Variants in SGMS1 observed in about 807,000 individuals in gnomAD.
The protein encoded by SGMS1 is phosphatidylcholine:ceramide cholinephosphotransferase 1.
Under a neutral mutation model 46.2 loss-of-function variants are expected in SGMS1, and 13 were observed. The observed-to-expected ratio is 0.28, with a 90% CI of 0.18 to 0.45. The LOEUF (loss-of-function observed/expected upper bound fraction) is 0.45, where lower values mean the gene tolerates loss of function less well. Among genes scored for constraint, SGMS1 ranks in the 20% least tolerant of loss-of-function variants. The probability of loss-of-function intolerance (pLI) is 1.00; values close to 1 mark genes in which losing one functional copy is unlikely to be tolerated. For missense variants in SGMS1, 324 were observed against 519.9 expected, an observed-to-expected ratio of 0.62 and a Z score of 3.66; for synonymous variants, 203 against 187.8, an observed-to-expected ratio of 1.08 and a Z score of -0.66.
chr10:50,624,871 CG>C, upstream of SGMS1: 2 of 998,486 alleles, frequency 2.0e-6, no homozygotes, highest in Non-Finnish European at 2.4e-6. Context: ...CCCGCGGGGT[CG>C]GGGACTTGGC....
intron 8 of SGMS1, among the ~76,000 whole-genome samples, chr10:50,321,617 A>G (rs1847446143): frequency 1.3e-5 from 2 of 152,266 alleles, no homozygotes; most frequent in Admixed American, 1.3e-4. Context: ...GACCAGCAGA[A>G]AATTATCCAA....
At chr10:50,625,133 G>T (rs2131957074), upstream of SGMS1, 1 of 911,110 alleles carries the variant, frequency 1.1e-6, no homozygotes, top group Non-Finnish European at 1.3e-6. Flanking sequence ...TTGCCCAGAG[G>T]ACAGGTTCTC....
At chr10:50,517,510 G>A (rs1837816263) in intron 3 of SGMS1, among the ~76,000 whole-genome samples, 1 of 151,986 alleles carries the variant, frequency 6.6e-6, no homozygotes, top group African/African-American at 2.4e-5. Context: ...AAACAAGAAA[G>A]AAAATACTGA....
chr10:50,425,119 G>T (rs974908797), intron 6 of SGMS1, among the ~76,000 whole-genome samples: 1 of 152,194 alleles, frequency 6.6e-6, no homozygotes, highest in African/African-American at 2.4e-5. Context: ...AGGTTGCAGA[G>T]AAAAGAGTAT....
At chr10:50,603,369 T>C (rs1838665813) in intron 1 of SGMS1, among the ~76,000 whole-genome samples, 1 of 152,240 alleles carries the variant, frequency 6.6e-6, no homozygotes, top group Non-Finnish European at 1.5e-5. Flanking sequence ...AATCTCTCTC[T>C]GCCGAGAGTC....
chr10:50,475,250 C>A (rs1837410209), intron 3 of SGMS1, among the ~76,000 whole-genome samples: 3 of 152,154 alleles, frequency 2.0e-5, no homozygotes, highest in Admixed American at 1.3e-4. Context: ...TTTTATTGCT[C>A]TATGGATATT....
In SGMS1 at chr10:50,327,250, T is replaced by C. The variant is rs1224349170; in HGVS notation, c.696A>G (p.Val232=). The change falls in exon 8 of 11, where the codon GTA becomes GTG. Residue 232 remains valine, a synonymous_variant. Transcript: ENST00000361781. ...GCATACCAGGTACTGGGAGTGTAGT[T>C]ACATACATTGTAATACACCGATACA... ...LYLYRCITMY[V]TTLPVPGMHF... is the part of the protein sequence containing the mutation. The C allele has an allele frequency of 1.2e-6, 2 of 1,609,322 alleles. No individual in the cohort carries two copies. The highest frequency in any genetic ancestry group is 4.5e-5 in the East Asian group (2 of 44,812).
At position 50,308,030 on chromosome 10, in the gene SGMS1, G is replaced by A. The variant is rs1424940613; in HGVS notation, c.1014C>T (p.Tyr338=). The A allele has an allele frequency of 1.9e-6, 3 of 1,613,898 alleles. No individual in the cohort carries two copies. The highest frequency in any genetic ancestry group is 2.5e-6 in the Non-Finnish European group (3 of 1,179,948). ...HYTVDVVVAY[Y]ITTRLFWWYH... is the part of the protein sequence containing the mutation. The stretch of plus-strand genomic sequence containing the variant: ...ACCACCAGAAGAGTCTCGTGGTGAT[G>A]TAATATGCCACCACCACGTCCACAG... Residue 338 remains tyrosine (Y), a synonymous_variant, in exon 10 of 11, where the codon TAC becomes TAT. Coordinates refer to ENST00000361781, the MANE Select transcript of SGMS1 (RefSeq NM_147156.4).
At chr10:50,406,776 C>T (rs1468511579) in intron 6 of SGMS1, among the ~76,000 whole-genome samples, 1 of 150,852 alleles carries the variant, frequency 6.6e-6, no homozygotes, top group Non-Finnish European at 1.5e-5. Flanking sequence ...GTGATCCTAG[C>T]TCACTGCAGC....
intron 6 of SGMS1, among the ~76,000 whole-genome samples, chr10:50,391,323 T>C (rs1432716491): frequency 6.6e-6 from 1 of 152,226 alleles, no homozygotes; most frequent in East Asian, 1.9e-4. Context: ...TGCAGTGCTG[T>C]TGTGGGACTT....
intron 3 of SGMS1, among the ~76,000 whole-genome samples, chr10:50,497,355 C>A (rs1262413229): frequency 1.3e-5 from 2 of 152,222 alleles, no homozygotes; most frequent in South Asian, 4.1e-4. Flanking sequence ...TCAAGAATTA[C>A]AATCTATACA....
rs748081028 is a variant in SGMS1 at position 50,398,030 on chromosome 10, G to A, written c.-232+35446C>T. On this transcript the variant is annotated intron_variant, in intron 6 of 10. Coordinates refer to ENST00000361781, the MANE Select transcript of SGMS1 (RefSeq NM_147156.4). The stretch of plus-strand genomic sequence containing the variant: ...AAAGGCTACACACAGAAAGTTTTCC[G>A]TCCCTGACTTTGTACTCTGGTGTGC... Among the ~76,000 whole-genome samples the A allele has an allele frequency of 2.0e-5, 3 of 152,182 alleles. 1 individual carries two copies. The highest frequency in any genetic ancestry group is 1.9e-4 in the East Asian group (1 of 5,184).
chr10:50,427,345 G>A (rs1849341261), intron 6 of SGMS1, among the ~76,000 whole-genome samples: 1 of 152,212 alleles, frequency 6.6e-6, no homozygotes, highest in South Asian at 2.1e-4. Context: ...CTTGCAGTGA[G>A]CCGAGATGGC....
At chr10:50,557,724 T>C (rs1327254287) in intron 2 of SGMS1, among the ~76,000 whole-genome samples, 1 of 151,206 alleles carries the variant, frequency 6.6e-6, no homozygotes, top group Non-Finnish European at 1.5e-5. Context: ...AAAATTTGTA[T>C]TGTTAGGTTT....
At chr10:50,327,168 CA>C in intron 8 of SGMS1, 36 bp downstream of exon 8, 1 of 1,331,246 alleles carries the variant, frequency 7.5e-7, no homozygotes, top group Non-Finnish European at 1.1e-6. Context: ...AGACAAGAAA[CA>C]AACAGAAAGC....
intron 3 of SGMS1, among the ~76,000 whole-genome samples, chr10:50,491,238 T>A (rs2133739173): frequency 6.6e-6 from 1 of 152,140 alleles, no homozygotes; most frequent in African/African-American, 2.4e-5. Flanking sequence ...CCTATAGTCC[T>A]AGCTAATTGG....
At chr10:50,599,287 CCTAA>C (rs1216437132) in intron 1 of SGMS1, among the ~76,000 whole-genome samples, 3 of 152,196 alleles carry the variant, frequency 2.0e-5, no homozygotes, top group African/African-American at 4.8e-5. Context: ...TTGGTTGTGT[CCTAA>C]CTGCTTTTGC....
chr10:50,527,081 A>AG (rs1564424587), intron 2 of SGMS1, among the ~76,000 whole-genome samples: 5 of 128,208 alleles, frequency 3.9e-5, no homozygotes, highest in African/African-American at 1.4e-4. Flanking sequence ...AAAAAAAAAA[A>AG]AAAAAAAAGA....
At chr10:50,485,226 G>A (rs200979259) in intron 3 of SGMS1, among the ~76,000 whole-genome samples, 2 of 152,046 alleles carry the variant, frequency 1.3e-5, no homozygotes. Context: ...ATGTCTAAAA[G>A]TCGCTAGCAT....
Sources: gnomAD v4.1 joint callset for allele counts (sites outside exome capture counted in the v4.1 genomes callset) on GRCh38, gnomAD v4.1.1 for gene constraint, MANE v1.5 for transcripts, NCBI Gene and HGNC (gene_info 2026-07-23, HGNC 2026-07-21) for gene names.